NCAPD2: variants seen among roughly 807,000 people sequenced by gnomAD.
The protein encoded by NCAPD2 is condensin complex subunit 1.
A neutral mutation model predicts 164.5 loss-of-function variants in NCAPD2; 100 were observed. The observed-to-expected ratio is 0.61, with a 90% CI of 0.52 to 0.72. NCAPD2 has a LOEUF of 0.72. Among genes scored for constraint, NCAPD2 ranks in the 30% least tolerant of loss-of-function variants. NCAPD2 has a pLI of 0.00. For synonymous variants in NCAPD2, 585 were observed against 642.6 expected, an observed-to-expected ratio of 0.91 and a Z score of 1.36; for missense variants, 1,560 against 1,749.2, an observed-to-expected ratio of 0.89 and a Z score of 1.93.
chr12:6,503,466 A>G (rs934842972), intron 2 of NCAPD2, among the ~76,000 whole-genome samples: 2 of 152,128 alleles, frequency 1.3e-5, no homozygotes, highest in Non-Finnish European at 2.9e-5. Flanking sequence ...CCCTTTTTAT[A>G]ATAGTATGAA....
intron 22 of NCAPD2, 21 bp from the exon 23 acceptor site, chr12:6,527,756 C>G (rs1167335906): frequency 3.8e-6 from 6 of 1,592,656 alleles, no homozygotes; most frequent in Non-Finnish European, 5.2e-6. Flanking sequence ...TATCCATGAT[C>G]CCCAATTTCA....
In NCAPD2 at chr12:6,529,267, C is replaced by T. The variant is rs1488244735; in HGVS notation, c.3572+228C>T. 9.8e-6 allele frequency: 6 copies of T among 612,004 alleles called. No homozygotes were observed. In the African/African-American group the frequency reaches 1.1e-4, roughly 11 times the overall value. The allele number at this position is 612,004 out of a possible 1,614,324, so 37.9% of individuals were successfully genotyped here. On this transcript the variant is annotated intron_variant, in intron 27 of 31. Coordinates refer to ENST00000315579, the MANE Select transcript of NCAPD2 (RefSeq NM_014865.4). ...AGTTCCTAACATGGTGGCAGACATA[C>T]AGTAGCACTCACTCCCTAGCAGCTG...
In NCAPD2 at chr12:6,528,620, C is replaced by T; in HGVS notation, c.3300-59C>T. ...TGATTCCTGCTGAGGGCCTTTTCTA[C>T]CAGTGTTAGGGTGTAGCCCGGAGGT... On this transcript the variant is annotated intron_variant, in intron 25 of 31. Transcript: ENST00000315579. This position sits in a 1 kb window ranked among gnomAD's most constrained non-coding sequence, Gnocchi z 5.1. 1 of 1,540,198 alleles carries T rather than the reference C, an allele frequency of 6.5e-7. No homozygotes were observed. The highest frequency in any genetic ancestry group is 8.9e-7 in the Non-Finnish European group (1 of 1,128,486).
At position 6,528,271 on chromosome 12, in the gene NCAPD2, A is replaced by G; in HGVS notation, c.3242A>G (p.Asp1081Gly). Residue 1081 changes from aspartate to glycine, a missense_variant, in exon 25 of 32, where the codon GAT becomes GGT. Physicochemically the swap from Asp to Gly is moderately conservative, Grantham distance 94. Coordinates refer to ENST00000315579, the MANE Select transcript of NCAPD2 (RefSeq NM_014865.4). The surrounding 1 kb of genome is among the most constrained non-coding windows in gnomAD (Gnocchi z 5.1). ...TCTAACCTCATGGTTGCCACTGGGG[A>G]TCTGGCCATCCGCTTTCCCAATCTG... ...VRSNLMVATGDLAIRFPNLVD... is the reference protein window; with the variant it reads ...VRSNLMVATGGLAIRFPNLVD... 1 of 1,613,728 alleles carries G rather than the reference A, an allele frequency of 6.2e-7. No homozygotes were observed. The highest frequency in any genetic ancestry group is 1.3e-5 in the African/African-American group (1 of 74,996).
At chr12:6,515,056 A>G in intron 9 of NCAPD2, 136 bp downstream of exon 9, 1 of 957,828 alleles carries the variant, frequency 1.0e-6, no homozygotes, top group East Asian at 2.5e-5. Flanking sequence ...TCCTTTCTGT[A>G]GAGAAGCAGG....
chr12:6,497,799 A>G (rs1052532312), intron 2 of NCAPD2, among the ~76,000 whole-genome samples: 1 of 151,882 alleles, frequency 6.6e-6, no homozygotes, highest in Non-Finnish European at 1.5e-5. Context: ...TTGTATTTTT[A>G]GTTGAGACAG....
At chr12:6,514,023 CA>C (rs913617795) in intron 6 of NCAPD2, among the ~76,000 whole-genome samples, 4 of 152,080 alleles carry the variant, frequency 2.6e-5, no homozygotes, top group Non-Finnish European at 5.9e-5. Context: ...CCAACTCTAT[CA>C]TATTTTTATG....
intron 17 of NCAPD2, among the ~76,000 whole-genome samples, chr12:6,523,650 A>G (rs146256301): frequency 0.025 from 3,804 of 151,992 alleles, 82 homozygotes; most frequent in South Asian, 0.039. Context: ...ACCCGCCTCA[A>G]CCTCCCAGAG....
In NCAPD2 at chr12:6,510,119, A is replaced by G; in HGVS notation, c.248A>G (p.Gln83Arg). 1 of 1,610,564 alleles carries G rather than the reference A, an allele frequency of 6.2e-7. No homozygotes were observed. The highest frequency in any genetic ancestry group is 8.5e-7 in the Non-Finnish European group (1 of 1,176,752). The change falls in exon 4 of 32, where the codon CAA becomes CGA. Residue 83 changes from glutamine to arginine, a missense_variant. By Grantham distance (43) the Gln-to-Arg change is conservative. Coordinates refer to ENST00000315579, the MANE Select transcript of NCAPD2 (RefSeq NM_014865.4). ...IDPGLKEDTLQFLIKVVSRHS... is the reference protein window; with the variant it reads ...IDPGLKEDTLRFLIKVVSRHS... ...CCTGGCCTCAAAGAAGATACTCTGC[A>G]ATTCCTGATAAAAGGTGTTTATGGG...
intron 1 of NCAPD2, among the ~76,000 whole-genome samples, chr12:6,494,781 T>C (rs539094699): frequency 1.4e-4 from 22 of 152,222 alleles, no homozygotes; most frequent in Non-Finnish European, 2.9e-4. Context: ...TAACCCTGTT[T>C]TTACAGATAA....
In NCAPD2 at chr12:6,510,087, T is replaced by C; in HGVS notation, c.216T>C (p.Ser72=). 1 of 1,613,162 alleles carries C rather than the reference T, an allele frequency of 6.2e-7. No homozygotes were observed. The highest frequency in any genetic ancestry group is 8.5e-7 in the Non-Finnish European group (1 of 1,179,054). Residue 72 remains serine (S), a synonymous_variant, in exon 4 of 32, where the codon AGT becomes AGC. Coordinates refer to ENST00000315579, the MANE Select transcript of NCAPD2 (RefSeq NM_014865.4). ...CTTTCCCTCATAGTCACTTTCGAAGTATAGATCCTGGCCTCAAAGAAGATA... is the reference window on the plus strand; with the variant it reads ...CTTTCCCTCATAGTCACTTTCGAAGCATAGATCCTGGCCTCAAAGAAGATA... The part of the protein sequence containing the change: ...TIYSILHHFR[S]IDPGLKEDTL...
chr12:6,499,135 C>T (rs1017072639), intron 2 of NCAPD2, among the ~76,000 whole-genome samples: 1 of 152,022 alleles, frequency 6.6e-6, no homozygotes, highest in African/African-American at 2.4e-5. Context: ...CAGGGCAGCA[C>T]CAGATTTTAT....
intron 22 of NCAPD2, among the ~76,000 whole-genome samples, chr12:6,527,390 G>A (rs893441839): frequency 1.3e-5 from 2 of 152,188 alleles, no homozygotes; most frequent in African/African-American, 4.8e-5. Flanking sequence ...GCCTGGCCCC[G>A]GATGGGGCCC....
At chr12:6,505,216 A>T (rs747131036) in intron 2 of NCAPD2, among the ~76,000 whole-genome samples, 1 of 152,030 alleles carries the variant, frequency 6.6e-6, no homozygotes, top group Admixed American at 6.6e-5. Flanking sequence ...ACAGGCATGC[A>T]CCACCATGCC....
chr12:6,496,364 G>A (rs934518944), intron 2 of NCAPD2, among the ~76,000 whole-genome samples: 1 of 152,008 alleles, frequency 6.6e-6, no homozygotes, highest in African/African-American at 2.4e-5. Context: ...CAGTCTAGAT[G>A]GCAGCTTCTT....
intron 17 of NCAPD2, among the ~76,000 whole-genome samples, chr12:6,524,445 G>A (rs888734144): frequency 2.6e-5 from 4 of 151,964 alleles, no homozygotes; most frequent in East Asian, 1.9e-4. Flanking sequence ...TCAGGAGTTC[G>A]AGACCAGCCT....
chr12:6,525,363 G>C (rs1326087101), intron 17 of NCAPD2, among the ~76,000 whole-genome samples: 1 of 152,148 alleles, frequency 6.6e-6, no homozygotes, highest in Non-Finnish European at 1.5e-5. Flanking sequence ...GTTTCGATAT[G>C]TCACTTGAAT....
chr12:6,514,556 G>A lies in NCAPD2; in HGVS notation c.808G>A (p.Gly270Arg). 1 of 1,614,138 alleles carries A rather than the reference G, an allele frequency of 6.2e-7. No homozygotes were observed. Among genetic ancestry groups the A allele is most frequent in the Non-Finnish European group, 8.5e-7 (1 of 1,180,032 alleles). ...CGTGAGTCTATGGGCAACTGACTATGGAATGAAGAGCATAGTGGGAGAGAT... is the reference window on the plus strand; with the variant it reads ...CGTGAGTCTATGGGCAACTGACTATAGAATGAAGAGCATAGTGGGAGAGAT... ...AAVSLWATDYGMKSIVGEIVR... is the reference protein window; with the variant it reads ...AAVSLWATDYRMKSIVGEIVR... Residue 270 changes from glycine (G) to arginine (R), a missense_variant, in exon 8 of 32, where the codon GGA becomes AGA. By Grantham distance (125) the Gly-to-Arg change is moderately radical. Coordinates refer to ENST00000315579, the MANE Select transcript of NCAPD2 (RefSeq NM_014865.4).
At chr12:6,499,653 A>T (rs1177252351) in intron 2 of NCAPD2, among the ~76,000 whole-genome samples, 1 of 151,952 alleles carries the variant, frequency 6.6e-6, no homozygotes, top group African/African-American at 2.4e-5. Flanking sequence ...TGGCCTCCCA[A>T]AGTTCTGGGA....
Sources: gnomAD v4.1 joint callset for allele counts (sites outside exome capture counted in the v4.1 genomes callset) on GRCh38, gnomAD v4.1.1 for gene constraint, Gnocchi (gnomAD v3.1) non-coding constraint, MANE v1.5 for transcripts, NCBI Gene and HGNC (gene_info 2026-07-23, HGNC 2026-07-21) for gene names.